CASK: variants seen among roughly 807,000 people sequenced by gnomAD.
CASK encodes the protein calcium/calmodulin dependent serine protein kinase.
CASK carries 4 observed loss-of-function variants against 82.9 expected under a neutral mutation model. The ratio of observed to expected loss-of-function variants is 0.05; its 90% CI spans 0.02 to 0.11. The LOEUF is 0.11. Among genes scored for constraint, CASK ranks in the 10% least tolerant of loss-of-function variants. The pLI is 1.00. For synonymous variants in CASK, 259 were observed against 253.5 expected (o/e 1.02, Z -0.20); for missense variants, 358 against 720.9 (o/e 0.50, Z 5.76).
intron 8 of CASK, among the ~76,000 whole-genome samples, chrX:41,658,531 T>C (rs1455009812): frequency 3.6e-5 from 4 of 111,972 alleles, no homozygotes; most frequent in Non-Finnish European, 7.5e-5. Context: ...TCTGTATTGA[T>C]TGTTGCTGTG....
At chrX:41,917,245 C>A (rs1287729495) in intron 1 of CASK, among the ~76,000 whole-genome samples, 1 of 112,085 alleles carries the variant, frequency 8.9e-6, no homozygotes, top group African/African-American at 3.2e-5. Context: ...AATTACTGAT[C>A]ACCCCCTCTG....
At chrX:41,626,792 T>A in intron 9 of CASK, 89 bp from the exon 10 acceptor site, 1 of 611,347 alleles carries the variant, frequency 1.6e-6, no homozygotes, top group Non-Finnish European at 2.7e-6. Context: ...TTAAGGATTA[T>A]CCATTAAGTC....
intron 3 of CASK, among the ~76,000 whole-genome samples, chrX:41,771,443 T>C (rs1322098140): frequency 8.9e-6 from 1 of 111,814 alleles, no homozygotes; most frequent in Non-Finnish European, 1.9e-5. Flanking sequence ...TCCAAATCGA[T>C]ACAAATAATA....
intron 5 of CASK, among the ~76,000 whole-genome samples, chrX:41,690,537 T>G (rs1025012927): frequency 1.9e-5 from 2 of 106,985 alleles, no homozygotes; most frequent in Non-Finnish European, 3.9e-5. Flanking sequence ...TTTTGGTATT[T>G]TTTAGTAGAG....
intron 14 of CASK, among the ~76,000 whole-genome samples, chrX:41,579,370 G>T (rs1441075990): frequency 9.0e-6 from 1 of 111,658 alleles, no homozygotes; most frequent in African/African-American, 3.2e-5. Context: ...AAAATAAGTT[G>T]AGAATTATTA....
At chrX:41,759,721 G>A (rs1157725237) in intron 3 of CASK, among the ~76,000 whole-genome samples, 1 of 111,329 alleles carries the variant, frequency 9.0e-6, no homozygotes, top group Non-Finnish European at 1.9e-5. Context: ...GATGGGATTT[G>A]GCTCAGTAAT....
At chrX:41,600,305 A>G (rs1163869515) in intron 12 of CASK, among the ~76,000 whole-genome samples, 2 of 112,282 alleles carry the variant, frequency 1.8e-5, no homozygotes, top group Non-Finnish European at 3.8e-5. Flanking sequence ...GTTTTATGAG[A>G]TCATGTTTGA....
At chrX:41,751,678 C>T (rs2068792273) in intron 3 of CASK, among the ~76,000 whole-genome samples, 1 of 110,220 alleles carries the variant, frequency 9.1e-6, no homozygotes, top group Non-Finnish European at 1.9e-5. Context: ...CTGGCTGGGA[C>T]CATAGAGCTG....
chrX:41,718,735 G>A (rs984852896), intron 5 of CASK, among the ~76,000 whole-genome samples: 3 of 111,887 alleles, frequency 2.7e-5, no homozygotes, highest in Non-Finnish European at 5.6e-5. Context: ...AATAGAAATT[G>A]ATATGAGGCC....
intron 12 of CASK, among the ~76,000 whole-genome samples, chrX:41,605,132 A>G (rs1400803829): frequency 8.9e-6 from 1 of 112,003 alleles, no homozygotes; most frequent in East Asian, 2.8e-4. Flanking sequence ...TCTTTTTGTC[A>G]GCCTTAAAAT....
At chrX:41,571,983 T>G (rs1174468761) in intron 15 of CASK, among the ~76,000 whole-genome samples, 1 of 112,042 alleles carries the variant, frequency 8.9e-6, no homozygotes, top group Non-Finnish European at 1.9e-5. Context: ...TCATGTCTAA[T>G]TTAATCCCAG....
At chrX:41,888,171 C>T (rs1272216053) in intron 1 of CASK, among the ~76,000 whole-genome samples, 2 of 111,185 alleles carry the variant, frequency 1.8e-5, no homozygotes, top group African/African-American at 6.6e-5. Flanking sequence ...TCTGCCTACG[C>T]TTTCTAGTAA....
chrX:41,848,185 T>G (rs180784886), intron 2 of CASK, among the ~76,000 whole-genome samples: 4 of 112,098 alleles, frequency 3.6e-5, no homozygotes, highest in African/African-American at 1.3e-4. Flanking sequence ...AGAGGAAACT[T>G]TTTTTGCACT....
chrX:41,705,604 T>A (rs1015323825), intron 5 of CASK, among the ~76,000 whole-genome samples: 9 of 111,166 alleles, frequency 8.1e-5, no homozygotes, highest in Admixed American at 1.9e-4. Flanking sequence ...TTTTTCTCCG[T>A]CTAATCAGAG....
chrX:41,914,795 TC>T (rs2072643072), intron 1 of CASK, among the ~76,000 whole-genome samples: 1 of 111,874 alleles, frequency 8.9e-6, no homozygotes, highest in African/African-American at 3.3e-5. Flanking sequence ...AAGCCAGTCA[TC>T]AGAAATCTGC....
intron 8 of CASK, among the ~76,000 whole-genome samples, chrX:41,648,119 G>A (rs980771325): frequency 8.1e-5 from 9 of 111,480 alleles, no homozygotes; most frequent in South Asian, 3.8e-4. Context: ...AGCATGGAAC[G>A]TCCCTGAGAA....
At chrX:41,830,059 G>A (rs1353620812) in intron 2 of CASK, among the ~76,000 whole-genome samples, 1 of 106,539 alleles carries the variant, frequency 9.4e-6, no homozygotes, top group Non-Finnish European at 1.9e-5. Context: ...GAGTGCAGTG[G>A]TGCAATCACG....
At chrX:41,768,968 CA>C (rs1166183056) in intron 3 of CASK, among the ~76,000 whole-genome samples, 1 of 110,729 alleles carries the variant, frequency 9.0e-6, no homozygotes, top group Admixed American at 9.6e-5. Flanking sequence ...CAAATTAAAC[CA>C]AAACATCCTT....
At chrX:41,626,399 T>G (rs2147335626) in intron 10 of CASK, among the ~76,000 whole-genome samples, 1 of 111,484 alleles carries the variant, frequency 9.0e-6, no homozygotes, top group East Asian at 2.8e-4. Context: ...GAAGTGTTGG[T>G]TTTGGAGCCA....
Sources: allele counts gnomAD v4.1 joint callset (sites outside exome capture counted in the v4.1 genomes callset), GRCh38; gene constraint gnomAD v4.1.1; transcripts MANE v1.5; gene names NCBI Gene and HGNC (gene_info 2026-07-23, HGNC 2026-07-21).